WDR41: variants seen among roughly 807,000 people sequenced by gnomAD.
WDR41 encodes WD repeat domain 41.
Under a neutral mutation model 69.3 loss-of-function variants are expected in WDR41, and 63 were observed. That is an observed-to-expected ratio of 0.91 (90% CI 0.74 to 1.12). WDR41 has a LOEUF of 1.12. Ranked by LOEUF, WDR41 falls within the 50% of genes most tolerant of loss-of-function variation. The pLI, the probability that WDR41 is intolerant of heterozygous loss-of-function variation, is 0.00. For synonymous variants in WDR41, 185 were observed against 192.1 expected (o/e 0.96, Z 0.31); for missense variants, 543 against 534.5 (o/e 1.02, Z -0.16).
chr5:77,536,727 G>A (rs1002060134), intron 1 of WDR41, among the ~76,000 whole-genome samples: 1 of 152,140 alleles, frequency 6.6e-6, no homozygotes, highest in Non-Finnish European at 1.5e-5. Context: ...TGCTGTACAG[G>A]TGTGTAGCCT....
chr5:77,467,338 T>C (rs1024236129), intron 2 of WDR41, among the ~76,000 whole-genome samples: 2 of 151,980 alleles, frequency 1.3e-5, no homozygotes, highest in African/African-American at 2.4e-5. Flanking sequence ...GTATTCAGTG[T>C]GATTCCGTGC....
chr5:77,471,649 C>T (rs1339293955), intron 2 of WDR41, among the ~76,000 whole-genome samples: 5 of 152,094 alleles, frequency 3.3e-5, no homozygotes, highest in Admixed American at 1.3e-4. Context: ...CTAAAAACAC[C>T]TCTATGCAAA....
chr5:77,564,117 C>G (rs1249687885), intron 1 of WDR41, among the ~76,000 whole-genome samples: 1 of 152,094 alleles, frequency 6.6e-6, no homozygotes, highest in Non-Finnish European at 1.5e-5. Context: ...AAGACAGCAC[C>G]AAACATAGTA....
chr5:77,531,578 GT>G (rs1298988595), intron 1 of WDR41, among the ~76,000 whole-genome samples: 1 of 151,974 alleles, frequency 6.6e-6, no homozygotes, highest in African/African-American at 2.4e-5. Context: ...GTGGAAAACA[GT>G]TGGTGGTTCC....
chr5:77,584,236 C>G (rs1743995499), intron 1 of WDR41, among the ~76,000 whole-genome samples: 1 of 151,898 alleles, frequency 6.6e-6, no homozygotes, highest in Non-Finnish European at 1.5e-5. Flanking sequence ...AGGTTACAGG[C>G]AGGGCAATTA....
At chr5:77,504,919 T>C (rs1198872688) in intron 1 of WDR41, among the ~76,000 whole-genome samples, 2 of 152,180 alleles carry the variant, frequency 1.3e-5, no homozygotes, top group Non-Finnish European at 2.9e-5. Flanking sequence ...GCCAATATCA[T>C]ACTGAATGGG....
intron 2 of WDR41, among the ~76,000 whole-genome samples, chr5:77,476,126 A>C (rs1800913511): frequency 9.0e-6 from 1 of 110,704 alleles, no homozygotes. Context: ...TAGAGAAAAA[A>C]AGAATAAAAA....
intron 1 of WDR41, among the ~76,000 whole-genome samples, chr5:77,587,504 T>C (rs1003317507): frequency 3.9e-5 from 6 of 152,186 alleles, no homozygotes; most frequent in Non-Finnish European, 8.8e-5. Flanking sequence ...CATCAACACT[T>C]GATATGGTCT....
chr5:77,458,210 A>G (rs1799909032), intron 5 of WDR41, among the ~76,000 whole-genome samples: 1 of 152,144 alleles, frequency 6.6e-6, no homozygotes, highest in Non-Finnish European at 1.5e-5. Flanking sequence ...TATATATAGT[A>G]CATGGCACTT....
chr5:77,434,710 GA>G (rs1798873457), intron 12 of WDR41, among the ~76,000 whole-genome samples: 1 of 151,926 alleles, frequency 6.6e-6, no homozygotes, highest in Admixed American at 6.6e-5. Context: ...GAAAAAAAAA[GA>G]AATGAGGAAA....
At chr5:77,493,406 A>G (rs183452540), upstream of WDR41, among the ~76,000 whole-genome samples, 166 of 152,326 alleles carry the variant, frequency 1.1e-3, no homozygotes, top group Non-Finnish European at 2.0e-3. Flanking sequence ...GCAGAAAGGA[A>G]TCACATAAAA....
chr5:77,617,953 G>A (rs576652091), intron 1 of WDR41, among the ~76,000 whole-genome samples: 2 of 152,288 alleles, frequency 1.3e-5, no homozygotes, highest in South Asian at 4.1e-4. Context: ...GCTGCAGAGG[G>A]AGATGTAACT....
chr5:77,457,929 T>C (rs1049857000), intron 5 of WDR41, among the ~76,000 whole-genome samples: 2 of 152,130 alleles, frequency 1.3e-5, no homozygotes, highest in Non-Finnish European at 2.9e-5. Context: ...TGGAATAAGA[T>C]ACTTTTTTAG....
chr5:77,573,124 A>G (rs1481681526), intron 1 of WDR41, among the ~76,000 whole-genome samples: 1 of 152,142 alleles, frequency 6.6e-6, no homozygotes, highest in Admixed American at 6.5e-5. Context: ...TCCAGGACAG[A>G]TCTGTTTTCA....
At chr5:77,464,250 T>C (rs986626493) in intron 3 of WDR41, among the ~76,000 whole-genome samples, 6 of 151,144 alleles carry the variant, frequency 4.0e-5, no homozygotes, top group African/African-American at 9.7e-5. Flanking sequence ...TTTCATACTT[T>C]GGCATTTGTT....
chr5:77,557,911 C>T (rs768174454), intron 1 of WDR41, among the ~76,000 whole-genome samples: 6 of 151,876 alleles, frequency 4.0e-5, no homozygotes, highest in Non-Finnish European at 7.4e-5. Flanking sequence ...AGAATGTATA[C>T]GGTATGATTA....
chr5:77,476,375 A>AT (rs1800931014), intron 2 of WDR41, among the ~76,000 whole-genome samples: 1 of 151,562 alleles, frequency 6.6e-6, no homozygotes, highest in Non-Finnish European at 1.5e-5. Flanking sequence ...TAATTGTCAG[A>AT]TTCACCAAAG....
chr5:77,457,710 A>G (rs996993568), intron 5 of WDR41, among the ~76,000 whole-genome samples: 9 of 151,752 alleles, frequency 5.9e-5, no homozygotes, highest in Non-Finnish European at 1.0e-4. Context: ...TAGTTCAAAA[A>G]ATAAATGATA....
intron 1 of WDR41, among the ~76,000 whole-genome samples, chr5:77,610,200 TG>T (rs2112338964): frequency 1.3e-5 from 2 of 152,308 alleles, no homozygotes; most frequent in Admixed American, 1.3e-4. Flanking sequence ...CTGAAAGTTA[TG>T]GGGAGAATGG....
Sources: allele counts gnomAD v4.1 joint callset (sites outside exome capture counted in the v4.1 genomes callset), GRCh38; gene constraint gnomAD v4.1.1; transcripts MANE v1.5; gene names NCBI Gene and HGNC (gene_info 2026-07-23, HGNC 2026-07-21).